Variants in PHF24 observed in about 807,000 individuals in gnomAD.
PHF24 encodes the protein PHD finger protein 24.
In PHF24, 25 loss-of-function variants were observed where a neutral mutation model predicts 42.6. That is an observed-to-expected ratio of 0.59 (90% CI 0.43 to 0.82). The LOEUF is 0.82. Ranked by LOEUF, PHF24 falls within the 40% of genes least tolerant of loss-of-function variation. PHF24 has a pLI of 0.00. For missense variants in PHF24, 470 were observed against 538.1 expected (o/e 0.87, Z 1.25); for synonymous variants, 185 against 204.8 (o/e 0.90, Z 0.83).
At chr9:34,700,807 C>G in the PHF24 span, among the ~76,000 whole-genome samples, 12 of 152,010 alleles carry the variant, frequency 7.9e-5, no homozygotes, top group Admixed American at 7.2e-4. Flanking sequence ...GGAAGAGAAA[C>G]AGGAATCAGG....
chr9:34,940,704 G>A, the PHF24 span, among the ~76,000 whole-genome samples: 987 of 152,324 alleles, frequency 6.5e-3, 10 homozygotes, highest in African/African-American at 0.022. Flanking sequence ...TAATCATGCC[G>A]TTGGTAATCA....
chr9:34,776,124 A>C, the PHF24 span, among the ~76,000 whole-genome samples: 2 of 152,198 alleles, frequency 1.3e-5, no homozygotes, highest in Non-Finnish European at 2.9e-5. Flanking sequence ...AACGGGAATC[A>C]CCGGAGTTTC....
chr9:34,892,968 T>G, the PHF24 span: 1 of 698,604 alleles, frequency 1.4e-6, no homozygotes, highest in Admixed American at 2.2e-5. Flanking sequence ...AAAGACACAC[T>G]AGATGTGGAC....
chr9:34,822,143 T>A, the PHF24 span, among the ~76,000 whole-genome samples: 2 of 152,206 alleles, frequency 1.3e-5, no homozygotes, highest in African/African-American at 4.8e-5. Context: ...ATTTTTCATT[T>A]AATTATTTTT....
At chr9:34,876,250 G>A in the PHF24 span, among the ~76,000 whole-genome samples, 27 of 152,090 alleles carry the variant, frequency 1.8e-4, no homozygotes, top group Admixed American at 5.9e-4. Context: ...GGAAGCAACC[G>A]AGATGTCCTT....
the PHF24 span, among the ~76,000 whole-genome samples, chr9:34,912,466 G>T: frequency 4.6e-5 from 7 of 152,130 alleles, no homozygotes; most frequent in African/African-American, 1.7e-4. Context: ...CAACTTCCAT[G>T]TGCATTGTCA....
rs1365805348 is a variant in PHF24 at position 34,958,410 on chromosome 9, G to C, written c.-5+9G>C. The C allele has an allele frequency of 6.6e-6, 1 of 152,288 alleles. No individual in the cohort carries two copies. The highest frequency in any genetic ancestry group is 6.5e-5 in the Admixed American group (1 of 15,282). The allele number at this position is 152,288 out of a possible 1,614,324, so 9.4% of individuals were successfully genotyped here. A position where few individuals can be genotyped will look rare whatever the true frequency, so the allele number is the denominator to read the frequency against. ...GCACCCGGACGGTCCCGGTAAGCGG[G>C]GGCGGGGGCGGCGGGGACCGGGCCG... On this transcript the variant is annotated intron_variant, in intron 1 of 7. Transcript: ENST00000242315. The surrounding 1 kb of genome is among the most constrained non-coding windows in gnomAD (Gnocchi z 4.5).
the PHF24 span, chr9:34,922,673 C>A: frequency 1.6e-6 from 2 of 1,284,586 alleles, no homozygotes; most frequent in Non-Finnish European, 2.2e-6. Context: ...AGTTTTCTCT[C>A]TGTATTCTTG....
the PHF24 span, among the ~76,000 whole-genome samples, chr9:34,808,200 T>C: frequency 1.3e-5 from 2 of 152,192 alleles, no homozygotes; most frequent in Admixed American, 1.3e-4. Flanking sequence ...TCAGTTTCTA[T>C]AGCTGTATAA....
the PHF24 span, chr9:34,728,657 T>C: frequency 1.3e-6 from 2 of 1,551,510 alleles, no homozygotes; most frequent in South Asian, 2.4e-5. Context: ...TGGTGACACT[T>C]AGAAGACAAA....
intron 1 of PHF24, among the ~76,000 whole-genome samples, chr9:34,961,627 A>T (rs924292997): frequency 6.6e-6 from 1 of 152,222 alleles, no homozygotes; most frequent in East Asian, 1.9e-4. Context: ...CACAGGAACC[A>T]ATATAGAGTA....
chr9:34,971,379 G>T (rs1195158539), exon 2 of PHF24: 5 of 1,614,052 alleles, frequency 3.1e-6, no homozygotes, highest in Non-Finnish European at 4.2e-6. Context: ...TCAAGGATGG[G>T]CTGCGGGACA....
At chr9:34,800,157 A>C in the PHF24 span, among the ~76,000 whole-genome samples, 1 of 152,212 alleles carries the variant, frequency 6.6e-6, no homozygotes, top group Admixed American at 6.5e-5. Context: ...AGAAATTTCA[A>C]CTAGTTACAG....
the PHF24 span, among the ~76,000 whole-genome samples, chr9:34,900,277 AAATTCC>A: frequency 1.4e-4 from 22 of 152,208 alleles, no homozygotes; most frequent in African/African-American, 5.3e-4. Context: ...TGACTCACCA[AAATTCC>A]AAAGACATTT....
At chr9:34,672,279 T>G in the PHF24 span, among the ~76,000 whole-genome samples, 1 of 152,170 alleles carries the variant, frequency 6.6e-6, no homozygotes, top group African/African-American at 2.4e-5. Flanking sequence ...GAACTGAGTA[T>G]GTATCACAAG....
At chr9:34,936,024 TCTCCCG>T in the PHF24 span, among the ~76,000 whole-genome samples, 5,017 of 148,028 alleles carry the variant, frequency 0.034, 160 homozygotes, top group African/African-American at 0.076. Context: ...TCCCTCTCCC[TCTCCCG>T]CTCCCGCTCC....
At chr9:34,852,099 G>A in the PHF24 span, among the ~76,000 whole-genome samples, 2 of 152,042 alleles carry the variant, frequency 1.3e-5, no homozygotes, top group African/African-American at 2.4e-5. Flanking sequence ...TCAACATGAA[G>A]ACAATGAAGA....
At chr9:34,801,139 G>A in the PHF24 span, among the ~76,000 whole-genome samples, 2 of 152,118 alleles carry the variant, frequency 1.3e-5, no homozygotes, top group Non-Finnish European at 1.5e-5. Flanking sequence ...TTAGAACGCC[G>A]ATCATTAAAA....
At chr9:34,796,710 C>T in the PHF24 span, among the ~76,000 whole-genome samples, 3 of 152,146 alleles carry the variant, frequency 2.0e-5, no homozygotes, top group Non-Finnish European at 4.4e-5. Context: ...ACATTGCTAC[C>T]AGGAATGCAA....
Sources: allele counts gnomAD v4.1 joint callset (sites outside exome capture counted in the v4.1 genomes callset), GRCh38; gene constraint gnomAD v4.1.1; non-coding constraint Gnocchi (gnomAD v3.1); transcripts MANE v1.5; gene names NCBI Gene and HGNC (gene_info 2026-07-23, HGNC 2026-07-21).